Variants in TFAP4 observed in about 807,000 individuals in gnomAD.
The protein encoded by TFAP4 is activating enhancer-binding protein 4.
Under a neutral mutation model 40.4 loss-of-function variants are expected in TFAP4, and 7 were observed. That is an observed-to-expected ratio of 0.17 (90% CI 0.10 to 0.33). The LOEUF (loss-of-function observed/expected upper bound fraction) is 0.33. Among genes scored for constraint, TFAP4 ranks in the 10% least tolerant of loss-of-function variants. The pLI, the probability that TFAP4 is intolerant of heterozygous loss-of-function variation, is 1.00. For synonymous variants in TFAP4, 218 were observed against 181.4 expected (o/e 1.20, Z -1.62); for missense variants, 374 against 451.1 (o/e 0.83, Z 1.55).
Position 4,272,734 on chromosome 16 carries a change from T to C in TFAP4, c.13A>G (p.Met5Val), listed in dbSNP as rs1309513681. ...GAGGGCACCTTCTGAGTGGGCACCA[T>C]GAAATACTCCATAGCGATCGGCCCC... is the stretch of plus-strand genomic sequence containing the variant. MEYF[M>V]VPTQKVPSLQ... The change falls in exon 1 of 7, where the codon ATG becomes GTG. Residue 5 changes from methionine (M) to valine (V), a missense_variant. Met to Val is a conservative substitution (Grantham distance 21). Transcript: ENST00000204517. 1 of 1,613,286 alleles carries C rather than the reference T, an allele frequency of 6.2e-7. No homozygotes were observed. The highest frequency in any genetic ancestry group is 1.7e-5 in the Admixed American group (1 of 59,986).
intron 6 of TFAP4, 117 bp from the exon 7 acceptor site, chr16:4,258,366 C>T: frequency 9.5e-7 from 1 of 1,057,468 alleles, no homozygotes; most frequent in South Asian, 1.6e-5. Flanking sequence ...AGAAAAAAGC[C>T]TGGCAAAGCA....
Position 4,258,111 on chromosome 16 carries a change from T to C in TFAP4, c.961A>G (p.Ser321Gly). 6.2e-7 allele frequency: 1 copy of C among 1,613,800 alleles called. No individual in the cohort carries two copies. Among genetic ancestry groups the C allele is most frequent in the African/African-American group, 1.3e-5 (1 of 75,006 alleles). ...TCCCGGCTCTGGTCCATGGCGTCAC[T>C]GTCTGAGGCCTCGGAGTCGGAGGCG... is the stretch of plus-strand genomic sequence containing the variant. ...DTASDSEASD[S>G]DAMDQSREEP... Residue 321 changes from serine (S) to glycine (G), a missense_variant, in exon 7 of 7, where the codon AGT (serine) becomes GGT (glycine). Physicochemically the swap from Ser to Gly is moderately conservative, Grantham distance 56 (BLOSUM62 0). Transcript: ENST00000204517.
In TFAP4 at chr16:4,260,107, G is replaced by C. The variant is rs774602369; in HGVS notation, c.805C>G (p.Leu269Val). Residue 269 changes from leucine to valine, a missense_variant, in exon 6 of 7, where the codon CTG (leucine) becomes GTG (valine). Transcript: ENST00000204517. ...TCAGGTACCTGCACGATGGTGTCCAGATTTTGCCGGGATGTGGAAACAGAG... is the reference window on the plus strand; with the variant it reads ...TCAGGTACCTGCACGATGGTGTCCACATTTTGCCGGGATGTGGAAACAGAG... Reference protein sequence around the residue: ...INSVSTSRQNLDTIVQAIQHI... With the variant: ...INSVSTSRQNVDTIVQAIQHI... 6.2e-7 allele frequency: 1 copy of C among 1,602,416 alleles called. No homozygotes were observed. The highest frequency in any genetic ancestry group is 8.5e-7 in the Non-Finnish European group (1 of 1,173,296).
Position 4,258,250 on chromosome 16 carries a change from C to A in TFAP4, c.823-1G>T. ...GGGTGCCCTCGATGTGCTGGATTGC[C>A]TGGACAGGGACGAACCACTGAGAAG... On this transcript the variant is annotated splice_acceptor_variant, in intron 6 of 6. Coordinates refer to ENST00000204517, the MANE Select transcript of TFAP4 (RefSeq NM_003223.3). LOFTEE classifies it high-confidence loss of function. 1 of 1,587,802 alleles carries A rather than the reference C, an allele frequency of 6.3e-7. No individual in the cohort carries two copies. The highest frequency in any genetic ancestry group is 1.7e-5 in the Admixed American group (1 of 58,140).
chr16:4,260,591 C>T lies in TFAP4; in HGVS notation c.530G>A (p.Arg177His), dbSNP rs1361229116. 6 of 1,600,650 alleles carry T rather than the reference C, an allele frequency of 3.7e-6. No individual in the cohort carries two copies. The highest frequency in any genetic ancestry group is 2.2e-5 in the East Asian group (1 of 44,654). Residue 177 changes from arginine to histidine, a missense_variant, in exon 5 of 7, where the codon CGC (arginine) becomes CAC (histidine). Arg to His is a conservative substitution (Grantham distance 29). Coordinates refer to ENST00000204517, the MANE Select transcript of TFAP4 (RefSeq NM_003223.3). ...SVRMMLEEQV[R>H]SLEAHMYPEK... ...CGGGTACATGTGGGCCTCCAGCGAG[C>T]GCACCTGGAGGCAGGACAACCTGGG...
At chr16:4,259,955 A>G in intron 6 of TFAP4, 135 bp downstream of exon 6, 4 of 1,217,724 alleles carry the variant, frequency 3.3e-6, no homozygotes, top group Non-Finnish European at 4.4e-6. Flanking sequence ...GGGCCCCCCA[A>G]GGCTTCCAGC....
At chr16:4,262,804 GC>G in intron 1 of TFAP4, 103 bp from the exon 2 acceptor site, 2 of 1,328,878 alleles carry the variant, frequency 1.5e-6, no homozygotes, top group African/African-American at 1.4e-5. Flanking sequence ...TGCAAAAGAT[GC>G]CAGGCCACCC....
At chr16:4,261,667 G>T in intron 4 of TFAP4, 112 bp downstream of exon 4, 1 of 1,263,818 alleles carries the variant, frequency 7.9e-7, no homozygotes, top group Non-Finnish European at 1.1e-6. Context: ...TGGCACCGCA[G>T]TAGGTGCTCC....
intron 1 of TFAP4, among the ~76,000 whole-genome samples, chr16:4,268,899 GT>G (rs968995323): frequency 6.6e-6 from 1 of 151,220 alleles, no homozygotes; most frequent in Non-Finnish European, 1.5e-5. Flanking sequence ...CAGTCTTACT[GT>G]TTTTTTTAAG....
chr16:4,269,943 G>A (rs1246687017), intron 1 of TFAP4, among the ~76,000 whole-genome samples: 1 of 152,194 alleles, frequency 6.6e-6, no homozygotes, highest in East Asian at 1.9e-4. Context: ...TACTTTGGGA[G>A]GCCAAGGTGG....
chr16:4,259,545 T>C (rs2052927255), intron 6 of TFAP4, among the ~76,000 whole-genome samples: 1 of 152,340 alleles, frequency 6.6e-6, no homozygotes, highest in African/African-American at 2.4e-5. Context: ...AGGAGATTGA[T>C]GGATTTTTTT....
chr16:4,261,990 G>A, intron 3 of TFAP4, 41 bp from the exon 4 acceptor site: 2 of 1,553,220 alleles, frequency 1.3e-6, no homozygotes, highest in Non-Finnish European at 1.7e-6. Context: ...CTGACACCTC[G>A]GTACCACCAC....
Position 4,260,103 on chromosome 16 carries a change from T to A in TFAP4, c.809A>T (p.Asp270Val). 1 of 1,610,906 alleles carries A rather than the reference T, an allele frequency of 6.2e-7. No individual in the cohort carries two copies. Among genetic ancestry groups the A allele is most frequent in the Non-Finnish European group, 8.5e-7 (1 of 1,179,106 alleles). ...AAGCTCAGGTACCTGCACGATGGTG[T>A]CCAGATTTTGCCGGGATGTGGAAAC... Reference protein sequence around the residue: ...NSVSTSRQNLDTIVQAIQHIE... With the variant: ...NSVSTSRQNLVTIVQAIQHIE... Residue 270 changes from aspartate to valine, a missense_variant, in exon 6 of 7, where the codon GAC becomes GTC. By Grantham distance (152) the Asp-to-Val change is radical. Around this residue, in one of 6 missense-constraint regions of TFAP4, gnomAD observed 9 missense variants for 28.7 expected, o/e 0.31. Transcript: ENST00000204517.
At chr16:4,268,796 G>T (rs149821372) in intron 1 of TFAP4, among the ~76,000 whole-genome samples, 1 of 151,988 alleles carries the variant, frequency 6.6e-6, no homozygotes, top group Non-Finnish European at 1.5e-5. Context: ...GTTTCGTCAT[G>T]TTGCTGAGGC....
At chr16:4,271,049 G>A (rs1199359362) in intron 1 of TFAP4, among the ~76,000 whole-genome samples, 1 of 152,252 alleles carries the variant, frequency 6.6e-6, no homozygotes, top group African/African-American at 2.4e-5. Flanking sequence ...AAGAGCTCAA[G>A]AATTTTTTTT....
Position 4,258,257 on chromosome 16 carries a change from G to A in TFAP4, c.823-8C>T, listed in dbSNP as rs2052915039. On this transcript the variant is annotated splice_region_variant and splice_polypyrimidine_tract_variant and intron_variant, in intron 6 of 6. Coordinates refer to ENST00000204517, the MANE Select transcript of TFAP4 (RefSeq NM_003223.3). ...CTCGATGTGCTGGATTGCCTGGACA[G>A]GGACGAACCACTGAGAAGGCTCGGC... 6.4e-7 allele frequency: 1 copy of A among 1,568,488 alleles called. No homozygotes were observed. The highest frequency in any genetic ancestry group is 8.7e-7 in the Non-Finnish European group (1 of 1,153,912).
At position 4,272,993 on chromosome 16, in the gene TFAP4, TGTGTGTG is replaced by T; in HGVS notation, c.-254_-248del. 1 of 484,210 alleles carries T rather than the reference TGTGTGTG, an allele frequency of 2.1e-6. No individual in the cohort carries two copies. The highest frequency in any genetic ancestry group is 3.7e-6 in the Non-Finnish European group (1 of 269,066). The allele number at this position is 484,210 out of a possible 1,614,324, so 30.0% of individuals were successfully genotyped here. On this transcript the variant is annotated 5_prime_UTR_variant, in exon 1 of 7. Transcript: ENST00000204517. Reference sequence around the variant, plus strand: ...GTGTGTGTGTGTGTGTGTGTGTGTGTGTGTGTGTGTTTGCAGCTGATCAGATGTCTGT... The same window carrying T: ...GTGTGTGTGTGTGTGTGTGTGTGTGTTGTTTGCAGCTGATCAGATGTCTGT...
chr16:4,260,545 C>A lies in TFAP4; in HGVS notation c.576G>T (p.Ala192=). Reference sequence around the variant, plus strand: ...GCTGCTGCTGCAGCTGCACCTGCTGCGCAATCACCTTGAGCTTTTCCGGGT... The same window carrying A: ...GCTGCTGCTGCAGCTGCACCTGCTGAGCAATCACCTTGAGCTTTTCCGGGT... ...HMYPEKLKVI[A]QQVQLQQQQE... Residue 192 remains alanine (A), a synonymous_variant, in exon 5 of 7, where the codon GCG becomes GCT. Coordinates refer to ENST00000204517, the MANE Select transcript of TFAP4 (RefSeq NM_003223.3). The A allele has an allele frequency of 1.9e-6, 3 of 1,611,866 alleles. No homozygotes were observed. The highest frequency in any genetic ancestry group is 2.5e-6 in the Non-Finnish European group (3 of 1,179,372).
chr16:4,269,492 CA>C (rs60856578), intron 1 of TFAP4, among the ~76,000 whole-genome samples: 106 of 43,224 alleles, frequency 2.5e-3, no homozygotes, highest in East Asian at 0.014. Context: ...GACTCTGCCT[CA>C]AAAAAAAAAA....
Sources: gnomAD v4.1 joint callset for allele counts (sites outside exome capture counted in the v4.1 genomes callset) on GRCh38, gnomAD v4.1.1 for gene constraint, gnomAD v4.1.1 regional missense constraint, MANE v1.5 for transcripts, NCBI Gene and HGNC (gene_info 2026-07-23, HGNC 2026-07-21) for gene names.